The following CARMIL1 variants were observed in gnomAD, a reference collection of about 807,000 sequenced individuals.
The protein encoded by CARMIL1 is capping protein regulator and myosin 1 linker 1.
Under a neutral mutation model 177.1 loss-of-function variants are expected in CARMIL1, and 90 were observed. The observed-to-expected ratio is 0.51, with a 90% CI of 0.43 to 0.61. CARMIL1 has a LOEUF of 0.61. CARMIL1 is among the 20% of genes least tolerant of loss of function. The pLI is 0.00. For synonymous variants in CARMIL1, 577 were observed against 606.2 expected (o/e 0.95, Z 0.71); for missense variants, 1,380 against 1,667.0 (o/e 0.83, Z 3.00).
chr6:25,401,957 C>T (rs935177323), intron 2 of CARMIL1, among the ~76,000 whole-genome samples: 2 of 151,814 alleles, frequency 1.3e-5, no homozygotes, highest in African/African-American at 4.8e-5. Context: ...GGCTCTCAGC[C>T]TACTGAATTT....
chr6:25,592,502 G>A (rs956685592), intron 31 of CARMIL1, among the ~76,000 whole-genome samples: 2 of 152,176 alleles, frequency 1.3e-5, no homozygotes, highest in African/African-American at 4.8e-5. Context: ...CAACATGTAG[G>A]AAAACCTTGC....
intron 2 of CARMIL1, among the ~76,000 whole-genome samples, chr6:25,308,083 A>G (rs1243222487): frequency 6.6e-6 from 1 of 152,238 alleles, no homozygotes; most frequent in Non-Finnish European, 1.5e-5. Flanking sequence ...CATATTTCAC[A>G]TGGATATAAA....
chr6:25,310,113 T>A (rs1365420101), intron 2 of CARMIL1, among the ~76,000 whole-genome samples: 4 of 152,180 alleles, frequency 2.6e-5, no homozygotes, highest in African/African-American at 9.7e-5. Context: ...TGTGGGTTGT[T>A]TCCACCTTCT....
chr6:25,471,130 T>C (rs1801064368), intron 9 of CARMIL1, 39 bp from the exon 10 acceptor site: 1 of 1,352,842 alleles, frequency 7.4e-7, no homozygotes, highest in African/African-American at 1.5e-5. Flanking sequence ...TTTTCTTCTT[T>C]AGAGTTATGG....
intron 27 of CARMIL1, 83 bp downstream of exon 27, chr6:25,551,168 C>A: frequency 9.3e-7 from 1 of 1,073,406 alleles, no homozygotes; most frequent in Non-Finnish European, 1.4e-6. Context: ...TTATTGTTGG[C>A]TGTATCCATA....
intron 2 of CARMIL1, among the ~76,000 whole-genome samples, chr6:25,338,301 G>A (rs1325815838): frequency 6.8e-6 from 1 of 148,096 alleles, no homozygotes; most frequent in Non-Finnish European, 1.5e-5. Context: ...AAAAAAAGGG[G>A]CACTGTATTT....
chr6:25,381,507 C>G (rs1267858741), intron 2 of CARMIL1, among the ~76,000 whole-genome samples: 1 of 152,200 alleles, frequency 6.6e-6, no homozygotes, highest in Non-Finnish European at 1.5e-5. Flanking sequence ...TCCTATACTT[C>G]TGACCAAGAG....
intron 24 of CARMIL1, 56 bp downstream of exon 24, chr6:25,528,949 G>C: frequency 3.0e-6 from 4 of 1,322,208 alleles, no homozygotes; most frequent in Non-Finnish European, 4.2e-6. Flanking sequence ...CCCTCTGAGA[G>C]CAAAGGACTT....
At position 25,570,602 on chromosome 6, in the gene CARMIL1, G is replaced by T. The variant is rs555663860; in HGVS notation, c.2743-10322G>T. On this transcript the variant is annotated intron_variant, in intron 29 of 36. Transcript: ENST00000329474. Reference sequence around the variant, plus strand: ...TGTATCAAAAAACTGTGCAGATCTGGAAAATAAGGGAAACATTTTAATTTC... The same window carrying T: ...TGTATCAAAAAACTGTGCAGATCTGTAAAATAAGGGAAACATTTTAATTTC... Among the ~76,000 whole-genome samples the T allele has an allele frequency of 2.2e-3, 338 of 152,266 alleles. 2 individuals are homozygous for T. The highest frequency in any genetic ancestry group is 7.9e-3 in the African/African-American group (330 of 41,560).
intron 35 of CARMIL1, among the ~76,000 whole-genome samples, chr6:25,607,204 C>T (rs1349947380): frequency 2.9e-5 from 4 of 139,538 alleles, no homozygotes; most frequent in Non-Finnish European, 3.2e-5. Context: ...CACACACACA[C>T]ACACATTAGG....
intron 2 of CARMIL1, among the ~76,000 whole-genome samples, chr6:25,356,156 C>T (rs1454272221): frequency 6.6e-6 from 1 of 151,338 alleles, no homozygotes; most frequent in Non-Finnish European, 1.5e-5. Flanking sequence ...TTCCCGGGTT[C>T]ACGCCATTCT....
chr6:25,540,364 TC>T (rs767810287), intron 26 of CARMIL1, among the ~76,000 whole-genome samples: 1 of 152,118 alleles, frequency 6.6e-6, no homozygotes, highest in South Asian at 2.1e-4. Context: ...GAAGTGTGCT[TC>T]TGGAAAAAAT....
At chr6:25,493,297 G>A (rs1250922911) in intron 15 of CARMIL1, among the ~76,000 whole-genome samples, 4 of 152,270 alleles carry the variant, frequency 2.6e-5, no homozygotes, top group South Asian at 2.1e-4. Flanking sequence ...TACCTAATAC[G>A]TTACCTAGAT....
intron 2 of CARMIL1, among the ~76,000 whole-genome samples, chr6:25,305,591 C>G (rs1227299244): frequency 6.6e-6 from 1 of 152,222 alleles, no homozygotes; most frequent in Non-Finnish European, 1.5e-5. Context: ...GTCTGCGGCT[C>G]TAAGAATTGT....
chr6:25,592,485 T>C (rs1317191715), intron 31 of CARMIL1, among the ~76,000 whole-genome samples: 1 of 152,242 alleles, frequency 6.6e-6, no homozygotes. Context: ...GATTGTCTGC[T>C]CTTGTGCAAC....
In CARMIL1 at chr6:25,457,412, T is replaced by C. The variant is rs1203820713; in HGVS notation, c.614+6701T>C. On this transcript the variant is annotated intron_variant, in intron 8 of 36. Transcript: ENST00000329474. The stretch of plus-strand genomic sequence containing the variant: ...TCTAGGAATGTCCTCATCTGGGAAC[T>C]GTTTTAGGTATTTACATCCTTCCCA... 2.6e-5 allele frequency among the ~76,000 whole-genome samples: 4 copies of C among 152,318 alleles called. No individual in the cohort carries two copies. The East Asian group carries it at 7.7e-4, about 29-fold the overall frequency.
chr6:25,470,268 C>T (rs1202033787), intron 9 of CARMIL1, among the ~76,000 whole-genome samples: 1 of 152,124 alleles, frequency 6.6e-6, no homozygotes, highest in Non-Finnish European at 1.5e-5. Flanking sequence ...AAGTTTATGA[C>T]ATCTTTAAAC....
chr6:25,600,000 G>GTT (rs936523455), intron 32 of CARMIL1, among the ~76,000 whole-genome samples: 4 of 151,884 alleles, frequency 2.6e-5, no homozygotes, highest in African/African-American at 9.7e-5. Context: ...AGAGCAAGTG[G>GTT]TTATATATAT....
rs576782153 is a variant in CARMIL1 at position 25,577,822 on chromosome 6, G to T, written c.2743-3102G>T. Among the ~76,000 whole-genome samples the T allele has an allele frequency of 1.3e-5, 2 of 152,218 alleles. No homozygotes were observed. Among genetic ancestry groups the T allele is most frequent in the Admixed American group, 1.3e-4 (2 of 15,290 alleles). On this transcript the variant is annotated intron_variant, in intron 29 of 36. Transcript: ENST00000329474. This position sits in a 1 kb window ranked among gnomAD's most constrained non-coding sequence, Gnocchi z 4.5. Reference sequence around the variant, plus strand: ...AGTAATGTAGGCATTGATGCTTTTGGATTCTCAGAAAATAGAGTTGTGGCC... The same window carrying T: ...AGTAATGTAGGCATTGATGCTTTTGTATTCTCAGAAAATAGAGTTGTGGCC...
Sources: gnomAD v4.1 joint callset for allele counts (sites outside exome capture counted in the v4.1 genomes callset) on GRCh38, gnomAD v4.1.1 for gene constraint, Gnocchi (gnomAD v3.1) non-coding constraint, MANE v1.5 for transcripts, NCBI Gene and HGNC (gene_info 2026-07-23, HGNC 2026-07-21) for gene names.